The following GAS7 variants were observed in gnomAD, a reference collection of about 807,000 sequenced individuals.
The protein encoded by GAS7 is growth arrest specific 7.
In GAS7, 28 loss-of-function variants were observed where a neutral mutation model predicts 71.1. The ratio of observed to expected loss-of-function variants is 0.39; its 90% CI spans 0.29 to 0.54. The LOEUF (loss-of-function observed/expected upper bound fraction) is 0.54. GAS7 is among the 20% of genes least tolerant of loss of function. The pLI, the probability that GAS7 is intolerant of heterozygous loss-of-function variation, is 0.62. For synonymous variants in GAS7, 258 were observed against 245.8 expected (o/e 1.05, Z -0.46); for missense variants, 436 against 627.8 (o/e 0.69, Z 3.27).
At chr17:10,025,461 T>C (rs1362600742) in intron 1 of GAS7, among the ~76,000 whole-genome samples, 2 of 151,582 alleles carry the variant, frequency 1.3e-5, no homozygotes, top group African/African-American at 2.4e-5. Flanking sequence ...TGCAAAAATA[T>C]CACCGCCCGC....
chr17:10,045,182 AC>A (rs2072932909), intron 1 of GAS7, among the ~76,000 whole-genome samples: 1 of 152,084 alleles, frequency 6.6e-6, no homozygotes, highest in Non-Finnish European at 1.5e-5. Flanking sequence ...GCACACAAGG[AC>A]CTATGAGCAT....
chr17:10,003,459 T>C (rs2071351749), intron 2 of GAS7, among the ~76,000 whole-genome samples: 1 of 152,208 alleles, frequency 6.6e-6, no homozygotes, highest in African/African-American at 2.4e-5. Context: ...AGGCCCCCCA[T>C]GGGGTCCCCA....
At chr17:9,945,276 A>G (rs1158465027) in intron 6 of GAS7, among the ~76,000 whole-genome samples, 1 of 151,828 alleles carries the variant, frequency 6.6e-6, no homozygotes, top group Admixed American at 6.6e-5. Context: ...TCACCCGTCA[A>G]CTTCCCACCC....
intron 1 of GAS7, among the ~76,000 whole-genome samples, chr17:10,142,364 TTTTG>T (rs780458320): frequency 1.1e-4 from 16 of 151,926 alleles, no homozygotes; most frequent in East Asian, 3.9e-4. Flanking sequence ...TTATTAAAGG[TTTTG>T]TTTGTTTGTT....
At chr17:10,004,399 T>C (rs1260127364) in intron 2 of GAS7, among the ~76,000 whole-genome samples, 4 of 152,140 alleles carry the variant, frequency 2.6e-5, no homozygotes, top group Non-Finnish European at 5.9e-5. Context: ...CGCTGGGACC[T>C]AACCCTTTAA....
chr17:9,980,492 C>A (rs2070372466), intron 3 of GAS7, among the ~76,000 whole-genome samples: 1 of 152,210 alleles, frequency 6.6e-6, no homozygotes, highest in African/African-American at 2.4e-5. Context: ...CACCTCCCTT[C>A]CACAGAAGCT....
At chr17:9,968,593 G>A (rs2069820997) in intron 4 of GAS7, among the ~76,000 whole-genome samples, 1 of 152,190 alleles carries the variant, frequency 6.6e-6, no homozygotes, top group Non-Finnish European at 1.5e-5. Flanking sequence ...TGATAAAGCT[G>A]AGTGTCACAT....
intron 1 of GAS7, among the ~76,000 whole-genome samples, chr17:10,060,833 T>A (rs1185856381): frequency 6.6e-6 from 1 of 152,212 alleles, no homozygotes; most frequent in South Asian, 2.1e-4. Flanking sequence ...CGATCCCACA[T>A]GTAGCCTGTG....
intron 2 of GAS7, among the ~76,000 whole-genome samples, chr17:10,012,744 C>G (rs1034223214): frequency 1.3e-5 from 2 of 152,126 alleles, no homozygotes; most frequent in Non-Finnish European, 2.9e-5. Context: ...CAGTATGAAG[C>G]GGCGGCACTT....
chr17:10,198,135 A>C, intron 1 of GAS7, 73 bp downstream of exon 1: 1 of 1,449,516 alleles, frequency 6.9e-7, no homozygotes, highest in Non-Finnish European at 9.5e-7. Context: ...GCATCCCCGG[A>C]ACGGGCAACA....
chr17:10,018,396 A>G (rs2072123784), intron 2 of GAS7, among the ~76,000 whole-genome samples: 1 of 152,166 alleles, frequency 6.6e-6, no homozygotes, highest in Non-Finnish European at 1.5e-5. Flanking sequence ...AATAATTTGG[A>G]TCCAATGTTG....
intron 1 of GAS7, among the ~76,000 whole-genome samples, chr17:10,067,158 G>A (rs1192473687): frequency 6.6e-6 from 1 of 152,030 alleles, no homozygotes; most frequent in African/African-American, 2.4e-5. Flanking sequence ...ATGGGGTGGC[G>A]GGAGTGGAGT....
chr17:9,968,835 T>A (rs1174793614), intron 4 of GAS7, among the ~76,000 whole-genome samples: 3 of 152,270 alleles, frequency 2.0e-5, no homozygotes, highest in African/African-American at 7.2e-5. Flanking sequence ...ATTATCATCA[T>A]GATCATCATC....
At chr17:9,998,281 C>T (rs907202405) in intron 2 of GAS7, among the ~76,000 whole-genome samples, 1 of 152,212 alleles carries the variant, frequency 6.6e-6, no homozygotes, top group Non-Finnish European at 1.5e-5. Context: ...TCCAACTACA[C>T]ATGTTCAAGA....
At chr17:9,950,116 G>A (rs1485533937) in intron 5 of GAS7, among the ~76,000 whole-genome samples, 8 of 151,480 alleles carry the variant, frequency 5.3e-5, no homozygotes, top group Non-Finnish European at 7.4e-5. Context: ...CACCCTCCTC[G>A]GCCTCCCAAA....
intron 2 of GAS7, among the ~76,000 whole-genome samples, chr17:10,004,749 T>C (rs1445124498): frequency 6.6e-6 from 1 of 152,160 alleles, no homozygotes; most frequent in East Asian, 1.9e-4. Context: ...CGGTGGCTCG[T>C]GCCTCTAATC....
chr17:9,971,579 G>T (rs867213587), intron 3 of GAS7, among the ~76,000 whole-genome samples: 6 of 152,114 alleles, frequency 3.9e-5, no homozygotes, highest in Non-Finnish European at 8.8e-5. Flanking sequence ...AAAAGTGGGG[G>T]AGCAGAGGCA....
At chr17:10,017,572 A>T (rs1020659167) in intron 2 of GAS7, among the ~76,000 whole-genome samples, 1 of 152,132 alleles carries the variant, frequency 6.6e-6, no homozygotes, top group East Asian at 1.9e-4. Context: ...CAAGTGATCC[A>T]CCTGCCTCGG....
Position 9,959,651 on chromosome 17 carries a change from C to CA in GAS7, c.472-397dup, listed in dbSNP as rs1392005277. Among the ~76,000 whole-genome samples the CA allele has an allele frequency of 6.6e-6, 1 of 152,184 alleles. No homozygotes were observed. Among genetic ancestry groups the CA allele is most frequent in the Non-Finnish European group, 1.5e-5 (1 of 68,046 alleles). On this transcript the variant is annotated intron_variant, in intron 4 of 13. Transcript: ENST00000432992. The surrounding 1 kb of genome is among the most constrained non-coding windows in gnomAD (Gnocchi z 5.0). ...GAGAGTTAAGGCCACCACCTCCTGG[C>CA]ACTGAGGAATCAGCACACGACATTT...
Sources: allele counts gnomAD v4.1 joint callset (sites outside exome capture counted in the v4.1 genomes callset), GRCh38; gene constraint gnomAD v4.1.1; non-coding constraint Gnocchi (gnomAD v3.1); transcripts MANE v1.5; gene names NCBI Gene and HGNC (gene_info 2026-07-23, HGNC 2026-07-21).